The following WFDC6 variants were observed in gnomAD, a reference collection of about 807,000 sequenced individuals.
WFDC6 encodes the protein WAP four-disulfide core domain protein 6.
Under a neutral mutation model 8.2 loss-of-function variants are expected in WFDC6, and 10 were observed. The observed-to-expected ratio is 1.22, with a 90% CI of 0.75 to 2.07. The LOEUF (loss-of-function observed/expected upper bound fraction) is 2.07, where lower values mean the gene tolerates loss of function less well. Ranked by LOEUF, WFDC6 falls within the 30% of genes most tolerant of loss-of-function variation. The probability of loss-of-function intolerance (pLI) is 0.00; values close to 1 mark genes in which losing one functional copy is unlikely to be tolerated. For synonymous variants in WFDC6, 28 were observed against 37.0 expected (o/e 0.76, Z 0.88); for missense variants, 105 against 104.9 (o/e 1.00, Z 0.00).
At position 45,534,209 on chromosome 20, in the gene WFDC6, A is replaced by G; in HGVS notation, c.*258T>C. On this transcript the variant is annotated 3_prime_UTR_variant, in exon 3 of 3. Transcript: ENST00000372670. Reference sequence around the variant, plus strand: ...GCCTCGGAGAGATCGGACCCCACAGAGCACTTTATTAAGGCAACTGAAGCC... The same window carrying G: ...GCCTCGGAGAGATCGGACCCCACAGGGCACTTTATTAAGGCAACTGAAGCC... 1.8e-6 allele frequency: 1 copy of G among 551,890 alleles called. No homozygotes were observed. The highest frequency in any genetic ancestry group is 3.1e-5 in the Admixed American group (1 of 32,784). The allele number at this position is 551,890 out of a possible 1,614,324, so 34.2% of individuals were successfully genotyped here. A position where few individuals can be genotyped will look rare whatever the true frequency, so the allele number is the denominator to read the frequency against.
At position 45,534,198 on chromosome 20, in the gene WFDC6, G is replaced by A. The variant is rs945803503; in HGVS notation, c.*269C>T. On this transcript the variant is annotated 3_prime_UTR_variant, in exon 3 of 3. Transcript: ENST00000372670. The stretch of plus-strand genomic sequence containing the variant: ...TGAATTATTCAGCCTCGGAGAGATC[G>A]GACCCCACAGAGCACTTTATTAAGG... 13 of 517,798 alleles carry A rather than the reference G, an allele frequency of 2.5e-5. No homozygotes were observed. Among genetic ancestry groups the A allele is most frequent in the South Asian group, 1.2e-4 (5 of 40,910 alleles). 32.1% of individuals were successfully genotyped at this position (517,798 alleles called of 1,614,324 possible). A position where few individuals can be genotyped will look rare whatever the true frequency, so the allele number is the denominator to read the frequency against.
Position 45,538,046 on chromosome 20 carries a change from T to TGG in WFDC6, c.138_139dup (p.Gln47ProfsTer13). The stretch of plus-strand genomic sequence containing the variant: ...TGGGCAATCTCTGGGTTTGGTACAC[T>TGG]GGTCTATTTCTTCCACTTCGCATTC... On this transcript the variant is annotated frameshift_variant, in exon 2 of 3. Coordinates refer to ENST00000372670, the MANE Select transcript of WFDC6 (RefSeq NM_080827.2). LOFTEE classifies it high-confidence loss of function. 1 of 1,614,022 alleles carries TGG rather than the reference T, an allele frequency of 6.2e-7. No individual in the cohort carries two copies. Among genetic ancestry groups the TGG allele is most frequent in the Non-Finnish European group, 8.5e-7 (1 of 1,179,928 alleles).
Position 45,538,045 on chromosome 20 carries a change from C to G in WFDC6, c.141G>C (p.Gln47His). ...CTGGGCAATCTCTGGGTTTGGTACA[C>G]TGGTCTATTTCTTCCACTTCGCATT... ...KVECEVEEID[Q>H]CTKPRDCPEN... Residue 47 changes from glutamine (Q) to histidine (H), a missense_variant, in exon 2 of 3, where the codon CAG becomes CAC. By Grantham distance (24) the Gln-to-His change is conservative. Transcript: ENST00000372670. 1 of 1,614,030 alleles carries G rather than the reference C, an allele frequency of 6.2e-7. No homozygotes were observed. The highest frequency in any genetic ancestry group is 8.5e-7 in the Non-Finnish European group (1 of 1,179,930).
chr20:45,537,414 A>G, intron 2 of WFDC6: 2 of 1,070,248 alleles, frequency 1.9e-6, no homozygotes, highest in Non-Finnish European at 2.8e-6. Flanking sequence ...ACCAATCAAT[A>G]TTTGTTGAAT....
At chr20:45,538,627 A>C (rs930285566) in intron 1 of WFDC6, among the ~76,000 whole-genome samples, 1 of 152,220 alleles carries the variant, frequency 6.6e-6, no homozygotes, top group African/African-American at 2.4e-5. Flanking sequence ...AATATGGATG[A>C]AGCACTTACT....
intron 2 of WFDC6, chr20:45,536,666 C>G (rs1400135715): frequency 6.6e-6 from 1 of 152,200 alleles, no homozygotes; most frequent in Non-Finnish European, 1.5e-5. Context: ...ATCTTCCTCT[C>G]TTTTTAAAAT....
At chr20:45,536,274 C>G (rs1346746313) in intron 2 of WFDC6, among the ~76,000 whole-genome samples, 1 of 149,974 alleles carries the variant, frequency 6.7e-6, no homozygotes, top group Non-Finnish European at 1.5e-5. Flanking sequence ...ACCCAAAACT[C>G]AAATCTACCC....
chr20:45,537,894 C>T, intron 2 of WFDC6, 70 bp downstream of exon 2: 1 of 1,607,026 alleles, frequency 6.2e-7, no homozygotes, highest in Non-Finnish European at 8.5e-7. Context: ...AACTAGGAGA[C>T]AGAGGTAGTG....
Position 45,539,400 on chromosome 20 carries a change from A to C in WFDC6, c.8T>G (p.Leu3Arg), listed in dbSNP as rs751157241. The change falls in exon 1 of 3, where the codon CTC (leucine) becomes CGC (arginine). Residue 3 changes from leucine to arginine, a missense_variant. Leu to Arg is a moderately radical substitution (Grantham distance 102, BLOSUM62 -2). Coordinates refer to ENST00000372670, the MANE Select transcript of WFDC6 (RefSeq NM_080827.2). MG[L>R]SGLLPILVPF... Reference sequence around the variant, plus strand: ...TACCAGGATTGGCAGAAGTCCTGAGAGTCCCATTTTAGGAAGTACTGGCCT... The same window carrying C: ...TACCAGGATTGGCAGAAGTCCTGAGCGTCCCATTTTAGGAAGTACTGGCCT... 2 of 1,613,784 alleles carry C rather than the reference A, an allele frequency of 1.2e-6. No homozygotes were observed. The highest frequency in any genetic ancestry group is 1.3e-5 in the African/African-American group (1 of 75,026).
At chr20:45,534,598 A>AT (rs1979295154) in intron 2 of WFDC6, 93 bp from the exon 3 acceptor site, 2 of 1,446,240 alleles carry the variant, frequency 1.4e-6, no homozygotes, top group Non-Finnish European at 1.9e-6. Context: ...AGGTGGGATC[A>AT]TTTTTACATC....
chr20:45,537,365 C>A, intron 2 of WFDC6: 1 of 720,368 alleles, frequency 1.4e-6, no homozygotes, highest in Non-Finnish European at 2.3e-6. Flanking sequence ...CCTTCCTGGC[C>A]ACAATGAGCA....
intron 2 of WFDC6, among the ~76,000 whole-genome samples, chr20:45,536,316 GC>G: frequency 6.6e-6 from 1 of 151,412 alleles, no homozygotes; most frequent in East Asian, 1.9e-4. Flanking sequence ...CAATTATTTT[GC>G]CCATAGTGCT....
chr20:45,538,486 T>A (rs1255825496), intron 1 of WFDC6, among the ~76,000 whole-genome samples: 1 of 152,212 alleles, frequency 6.6e-6, no homozygotes, highest in African/African-American at 2.4e-5. Flanking sequence ...GTGAGACGCT[T>A]GGTGTGCCAG....
Position 45,539,328 on chromosome 20 carries a change from C to G in WFDC6, c.80G>C (p.Gly27Ala), listed in dbSNP as rs1472830168. ...GDIQEPGHAEGILGKPCPKIK... is the reference protein window; with the variant it reads ...GDIQEPGHAEAILGKPCPKIK... ...TTCCCAATACTTACTGCCAAGGATG[C>G]CTTCAGCGTGCCCAGGTTCCTGGAT... The change falls in exon 1 of 3, where the codon GGC (glycine) becomes GCC (alanine). Residue 27 changes from glycine to alanine, a missense_variant. Physicochemically the swap from Gly to Ala is moderately conservative, Grantham distance 60. Transcript: ENST00000372670. 1.9e-6 allele frequency: 3 copies of G among 1,613,860 alleles called. No homozygotes were observed. Among genetic ancestry groups the G allele is most frequent in the South Asian group, 1.1e-5 (1 of 91,068 alleles).
rs199553388 is a variant in WFDC6, at chr20:45,538,029, C to A, written c.157G>T (p.Asp53Tyr). ...CAACACTTCATGTTTTCTGGGCAAT[C>A]TCTGGGTTTGGTACACTGGTCTATT... ...EEIDQCTKPR[D>Y]CPENMKCCPF... is the part of the protein sequence containing the mutation. The change falls in exon 2 of 3, where the codon GAT becomes TAT. Residue 53 changes from aspartate (D) to tyrosine (Y), a missense_variant. Coordinates refer to ENST00000372670, the MANE Select transcript of WFDC6 (RefSeq NM_080827.2). 1.2e-4 allele frequency: 189 copies of A among 1,613,918 alleles called. No homozygotes were observed. The highest frequency in any genetic ancestry group is 1.6e-4 in the Non-Finnish European group (183 of 1,179,950).
In WFDC6 at chr20:45,537,951, G is replaced by A. The variant is rs777259517; in HGVS notation, c.222+13C>T. ...GTGAGGGCACTGGGTAATTTAGGAAGCATCTGAGTTACCTTTCTGAAGTCT... is the reference window on the plus strand; with the variant it reads ...GTGAGGGCACTGGGTAATTTAGGAAACATCTGAGTTACCTTTCTGAAGTCT... On this transcript the variant is annotated intron_variant, in intron 2 of 2. Transcript: ENST00000372670. The A allele has an allele frequency of 1.2e-5, 20 of 1,613,898 alleles. No homozygotes were observed. The highest frequency in any genetic ancestry group is 1.7e-5 in the Non-Finnish European group (20 of 1,179,870).
intron 2 of WFDC6, chr20:45,537,638 C>A: frequency 7.3e-7 from 1 of 1,367,070 alleles, no homozygotes; most frequent in Non-Finnish European, 1.0e-6. Flanking sequence ...TTTGATGAGA[C>A]TTTGGTGACT....
intron 2 of WFDC6, 31 bp downstream of exon 2, chr20:45,537,933 C>T (rs755376428): frequency 8.7e-6 from 14 of 1,613,466 alleles, no homozygotes; most frequent in Non-Finnish European, 1.1e-5. Context: ...GAGGTGAGGG[C>T]ACTGGGTAAT....
intron 1 of WFDC6, among the ~76,000 whole-genome samples, chr20:45,538,489 T>C (rs1979460013): frequency 6.6e-6 from 1 of 152,212 alleles, no homozygotes; most frequent in Admixed American, 6.5e-5. Context: ...AGACGCTTGG[T>C]GTGCCAGGCA....
Sources: gnomAD v4.1 joint callset for allele counts (sites outside exome capture counted in the v4.1 genomes callset) on GRCh38, gnomAD v4.1.1 for gene constraint, MANE v1.5 for transcripts, NCBI Gene and HGNC (gene_info 2026-07-23, HGNC 2026-07-21) for gene names.